GULP1: variants seen among roughly 807,000 people sequenced by gnomAD.
The protein encoded by GULP1 is PTB domain-containing engulfment adapter protein 1.
In GULP1, 19 loss-of-function variants were observed where a neutral mutation model predicts 40.9. The ratio of observed to expected loss-of-function variants is 0.46; its 90% CI spans 0.32 to 0.68. The LOEUF is 0.68. Ranked by LOEUF, GULP1 falls within the 30% of genes least tolerant of loss-of-function variation. The probability of loss-of-function intolerance (pLI) is 0.03; values close to 1 mark genes in which losing one functional copy is unlikely to be tolerated. For missense variants in GULP1, 312 were observed against 362.2 expected, an observed-to-expected ratio of 0.86 and a Z score of 1.12; for synonymous variants, 119 against 117.6, an observed-to-expected ratio of 1.01 and a Z score of -0.08.
At chr2:188,357,152 G>T (rs1374816245) in intron 1 of GULP1, among the ~76,000 whole-genome samples, 1 of 152,138 alleles carries the variant, frequency 6.6e-6, no homozygotes, top group East Asian at 1.9e-4. Flanking sequence ...TCTGGGCAAA[G>T]ATTTTACGAA....
chr2:188,403,409 G>T (rs1307791611), intron 2 of GULP1, among the ~76,000 whole-genome samples: 1 of 152,016 alleles, frequency 6.6e-6, no homozygotes, highest in Admixed American at 6.5e-5. Flanking sequence ...AGTAGTAAAT[G>T]CAGGATAATG....
intron 7 of GULP1, among the ~76,000 whole-genome samples, chr2:188,549,106 T>C (rs939446939): frequency 6.6e-6 from 1 of 151,918 alleles, no homozygotes; most frequent in Non-Finnish European, 1.5e-5. Context: ...AATGATATAC[T>C]GAACTTTTGA....
At chr2:188,301,818 A>G (rs1219109090) in intron 1 of GULP1, among the ~76,000 whole-genome samples, 2 of 152,214 alleles carry the variant, frequency 1.3e-5, no homozygotes, top group African/African-American at 2.4e-5. Context: ...TCAAATTGCT[A>G]CAGGGATCAT....
intron 4 of GULP1, among the ~76,000 whole-genome samples, chr2:188,509,433 A>G (rs1246067448): frequency 1.3e-5 from 2 of 152,094 alleles, no homozygotes; most frequent in African/African-American, 2.4e-5. Flanking sequence ...TTAATCATTG[A>G]CAGAAAGTTT....
At chr2:188,430,966 C>T (rs1267591351) in intron 2 of GULP1, among the ~76,000 whole-genome samples, 2 of 152,124 alleles carry the variant, frequency 1.3e-5, no homozygotes, top group African/African-American at 2.4e-5. Context: ...TTAAAGTATA[C>T]CCTTTTTAAT....
At chr2:188,593,097 T>G (rs1261102150) in intron 11 of GULP1, 1 of 152,090 alleles carries the variant, frequency 6.6e-6, no homozygotes, top group Non-Finnish European at 1.5e-5. Context: ...CATTGATCAG[T>G]GCAAGTCTGT....
At chr2:188,334,258 G>A (rs986934113) in intron 1 of GULP1, among the ~76,000 whole-genome samples, 47 of 152,274 alleles carry the variant, frequency 3.1e-4, no homozygotes, top group African/African-American at 1.1e-3. Context: ...AATAGGCACT[G>A]CATTTAGTGC....
chr2:188,506,885 C>T (rs2063971028), intron 4 of GULP1, among the ~76,000 whole-genome samples: 1 of 151,970 alleles, frequency 6.6e-6, no homozygotes, highest in South Asian at 2.1e-4. Context: ...ACAAATTGAA[C>T]ATTCAGTCAA....
At chr2:188,457,847 A>C (rs2059392215) in intron 2 of GULP1, among the ~76,000 whole-genome samples, 1 of 152,144 alleles carries the variant, frequency 6.6e-6, no homozygotes, top group Admixed American at 6.5e-5. Context: ...CCCTCATACA[A>C]CCATGTTTAT....
At chr2:188,311,185 A>C (rs2106348496) in intron 1 of GULP1, among the ~76,000 whole-genome samples, 1 of 152,128 alleles carries the variant, frequency 6.6e-6, no homozygotes, top group East Asian at 1.9e-4. Flanking sequence ...GCAGTTGGTT[A>C]TTGGTTTCCA....
chr2:188,439,679 G>T (rs940174776), intron 2 of GULP1, among the ~76,000 whole-genome samples: 1 of 152,076 alleles, frequency 6.6e-6, no homozygotes, highest in African/African-American at 2.4e-5. Flanking sequence ...GTGGTAGGAG[G>T]TAACTGGGAG....
At chr2:188,539,161 C>T (rs991997558) in intron 6 of GULP1, among the ~76,000 whole-genome samples, 2 of 151,956 alleles carry the variant, frequency 1.3e-5, no homozygotes, top group African/African-American at 4.8e-5. Context: ...AAATGAGAGA[C>T]TATGTAGATT....
At chr2:188,328,956 A>T (rs2041156546) in intron 1 of GULP1, among the ~76,000 whole-genome samples, 1 of 152,176 alleles carries the variant, frequency 6.6e-6, no homozygotes, top group Admixed American at 6.6e-5. Flanking sequence ...TACGGATCAA[A>T]CATCATGAAT....
At chr2:188,444,549 TC>T (rs2058219252) in intron 2 of GULP1, among the ~76,000 whole-genome samples, 1 of 152,212 alleles carries the variant, frequency 6.6e-6, no homozygotes, top group Non-Finnish European at 1.5e-5. Flanking sequence ...TATGACTCCT[TC>T]ATAAGCCAGA....
At chr2:188,460,053 G>GT (rs1271347893) in intron 2 of GULP1, among the ~76,000 whole-genome samples, 1 of 152,098 alleles carries the variant, frequency 6.6e-6, no homozygotes, top group Non-Finnish European at 1.5e-5. Flanking sequence ...TAGCATTGTA[G>GT]TACAATTTGA....
At chr2:188,464,674 C>T (rs992974148) in intron 2 of GULP1, among the ~76,000 whole-genome samples, 2 of 152,110 alleles carry the variant, frequency 1.3e-5, no homozygotes, top group African/African-American at 4.8e-5. Flanking sequence ...CTTAGAAGTC[C>T]ACTTGTTGTT....
chr2:188,458,014 C>T (rs2059404707), intron 2 of GULP1, among the ~76,000 whole-genome samples: 1 of 152,074 alleles, frequency 6.6e-6, no homozygotes, highest in Admixed American at 6.6e-5. Flanking sequence ...TCCTTATACC[C>T]CCATCATCAT....
intron 7 of GULP1, among the ~76,000 whole-genome samples, chr2:188,545,523 A>C (rs892439751): frequency 2.0e-5 from 3 of 151,912 alleles, no homozygotes; most frequent in African/African-American, 7.2e-5. Context: ...GCGCTGGGTA[A>C]CTATGATAAG....
chr2:188,391,279 C>A (rs113500935), intron 2 of GULP1, among the ~76,000 whole-genome samples: 2 of 152,104 alleles, frequency 1.3e-5, no homozygotes, highest in African/African-American at 4.8e-5. Flanking sequence ...TGTATGATTT[C>A]TTTCAGCAGT....
Sources: gnomAD v4.1 joint callset for allele counts (sites outside exome capture counted in the v4.1 genomes callset) on GRCh38, gnomAD v4.1.1 for gene constraint, MANE v1.5 for transcripts, NCBI Gene and HGNC (gene_info 2026-07-23, HGNC 2026-07-21) for gene names.